The following PCDHGA2 variants were observed in gnomAD, a reference collection of about 807,000 sequenced individuals.
The protein encoded by PCDHGA2 is protocadherin gamma-A2.
Under a neutral mutation model 59.2 loss-of-function variants are expected in PCDHGA2, and 40 were observed. The observed-to-expected ratio is 0.68, with a 90% CI of 0.52 to 0.88. The LOEUF (loss-of-function observed/expected upper bound fraction) is 0.88, where lower values mean the gene tolerates loss of function less well. Ranked by LOEUF, PCDHGA2 falls within the 40% of genes least tolerant of loss-of-function variation. PCDHGA2 has a pLI of 0.00. For missense variants in PCDHGA2, 1,226 were observed against 1,204.0 expected (o/e 1.02, Z -0.27); for synonymous variants, 560 against 526.0 (o/e 1.06, Z -0.89).
chr5:141,495,122 C>T (rs1365586518), intron 2 of PCDHGA2, among the ~76,000 whole-genome samples: 2 of 152,282 alleles, frequency 1.3e-5, no homozygotes, highest in East Asian at 3.9e-4. Flanking sequence ...TTCCTATCCC[C>T]TGAGGGCACT....
intron 1 of PCDHGA2, among the ~76,000 whole-genome samples, chr5:141,463,706 A>T (rs568865377): frequency 2.9e-3 from 440 of 152,024 alleles, no homozygotes; most frequent in Non-Finnish European, 4.6e-3. Context: ...TCGGCCTCCA[A>T]AAGTGCTGGG....
intron 1 of PCDHGA2, chr5:141,383,406 T>C (rs780989648): frequency 6.2e-7 from 1 of 1,613,748 alleles, no homozygotes; most frequent in Admixed American, 1.7e-5. Context: ...CCCTCCAGAG[T>C]TACCAGCTCA....
chr5:141,404,725 G>A (rs1381392805), intron 1 of PCDHGA2: 1 of 1,613,980 alleles, frequency 6.2e-7, no homozygotes, highest in Non-Finnish European at 8.5e-7. Context: ...TGACCAAGGT[G>A]GTGGCAGTGG....
intron 1 of PCDHGA2, among the ~76,000 whole-genome samples, chr5:141,407,257 T>C (rs1325198387): frequency 1.3e-5 from 2 of 152,240 alleles, no homozygotes; most frequent in Non-Finnish European, 2.9e-5. Context: ...CTCATATTTT[T>C]AACCATGCAA....
chr5:141,374,029 A>C (rs1460112886), intron 1 of PCDHGA2: 3 of 1,428,780 alleles, frequency 2.1e-6, no homozygotes. Flanking sequence ...AGCAAAAGTG[A>C]TGCAGATCTG....
intron 1 of PCDHGA2, among the ~76,000 whole-genome samples, chr5:141,407,130 T>C (rs1218017139): frequency 1.3e-5 from 2 of 152,230 alleles, no homozygotes; most frequent in Non-Finnish European, 2.9e-5. Flanking sequence ...TTGCTTTATT[T>C]TTAAGAAAAA....
At chr5:141,419,878 G>A in intron 1 of PCDHGA2, 2 of 1,614,060 alleles carry the variant, frequency 1.2e-6, no homozygotes, top group Non-Finnish European at 1.7e-6. Context: ...AGGTACTGCC[G>A]GATTTCAGCG....
At chr5:141,366,466 G>A in intron 1 of PCDHGA2, 1 of 1,614,228 alleles carries the variant, frequency 6.2e-7, no homozygotes, top group Non-Finnish European at 8.5e-7. Context: ...TCGTGCTGCT[G>A]GTGCTCAGAC....
chr5:141,362,840 T>C (rs1762699697), intron 1 of PCDHGA2, among the ~76,000 whole-genome samples: 1 of 152,282 alleles, frequency 6.6e-6, no homozygotes, highest in East Asian at 1.9e-4. Flanking sequence ...ATTGAGACTT[T>C]AGGCAATTAG....
At chr5:141,398,544 G>A (rs1002395942) in intron 1 of PCDHGA2, 1 of 1,613,852 alleles carries the variant, frequency 6.2e-7, no homozygotes, top group Non-Finnish European at 8.5e-7. Flanking sequence ...ATTCCTTTGA[G>A]CTGCAAATAA....
At chr5:141,419,318 G>A in intron 1 of PCDHGA2, 1 of 1,613,992 alleles carries the variant, frequency 6.2e-7, no homozygotes, top group Non-Finnish European at 8.5e-7. Flanking sequence ...CAACGGCCGT[G>A]TCTCCTACTC....
intron 1 of PCDHGA2, chr5:141,345,480 A>C (rs1261001131): frequency 3.7e-6 from 6 of 1,613,926 alleles, no homozygotes; most frequent in East Asian, 2.2e-5. Flanking sequence ...AGATAGCAAC[A>C]ACAACGCCCG....
chr5:141,489,636 C>A lies in PCDHGA2; in HGVS notation c.2425-5171C>A, dbSNP rs753380268. 3.8e-5 allele frequency: 62 copies of A among 1,614,074 alleles called. No individual in the cohort carries two copies. The highest frequency in any genetic ancestry group is 5.1e-5 in the Non-Finnish European group (60 of 1,180,038). ...TGGATCTCAATGACAACTCTCCTAG[C>A]TTTGCCACCCCTGAGCGAGAGATGC... is the stretch of plus-strand genomic sequence containing the variant. On this transcript the variant is annotated intron_variant, in intron 1 of 3. Coordinates refer to ENST00000394576, the MANE Select transcript of PCDHGA2 (RefSeq NM_018915.4). The surrounding 1 kb of genome is among the most constrained non-coding windows in gnomAD (Gnocchi z 4.5).
chr5:141,456,427 T>A (rs1156577293), intron 1 of PCDHGA2, among the ~76,000 whole-genome samples: 1 of 152,166 alleles, frequency 6.6e-6, no homozygotes, highest in East Asian at 1.9e-4. Context: ...ATTCAAGTTA[T>A]AGTATTGAGT....
intron 1 of PCDHGA2, chr5:141,346,166 G>T (rs746867138): frequency 6.2e-7 from 1 of 1,614,042 alleles, no homozygotes; most frequent in East Asian, 2.2e-5. Context: ...TCATCGTGCT[G>T]CTGGCGCTCA....
At chr5:141,355,221 C>G (rs756437082) in intron 1 of PCDHGA2, 1 of 1,608,638 alleles carries the variant, frequency 6.2e-7, no homozygotes, top group Non-Finnish European at 8.5e-7. Context: ...CTCCTGCTCG[C>G]CCAGACCACA....
Position 141,341,372 on chromosome 5 carries a change from G to T in PCDHGA2, c.2401G>T (p.Glu801Ter), listed in dbSNP as rs769174770. The change falls in exon 1 of 4, where the codon GAA becomes TAA. Residue 801 changes from glutamate (E) to a stop codon, truncating the protein, a stop_gained. Coordinates refer to ENST00000394576, the MANE Select transcript of PCDHGA2 (RefSeq NM_018915.4). LOFTEE classifies it high-confidence loss of function. ...AGCGCCTCAATCTCTACTCGAAGAA[G>T]AAAGAGAAGAAACGTTTTCTCAGGT... ...LSAPQSLLEE[E>*]REETFSQQAP... 28 of 1,614,134 alleles carry T rather than the reference G, an allele frequency of 1.7e-5. No homozygotes were observed. In the East Asian group the frequency reaches 6.0e-4, roughly 35 times the overall value.
chr5:141,345,244 T>G (rs374182078), intron 1 of PCDHGA2: 25 of 1,613,966 alleles, frequency 1.5e-5, no homozygotes, highest in Non-Finnish European at 2.0e-5. Flanking sequence ...TATTACCGCT[T>G]AGTGACGGCC....
At chr5:141,351,183 C>T (rs764013850) in intron 1 of PCDHGA2, 14 of 1,613,810 alleles carry the variant, frequency 8.7e-6, no homozygotes, top group East Asian at 2.2e-5. Context: ...TTTGAAGAGA[C>T]AAGTAGATAT....
Sources: gnomAD v4.1 joint callset for allele counts (sites outside exome capture counted in the v4.1 genomes callset) on GRCh38, gnomAD v4.1.1 for gene constraint, Gnocchi (gnomAD v3.1) non-coding constraint, MANE v1.5 for transcripts, NCBI Gene and HGNC (gene_info 2026-07-23, HGNC 2026-07-21) for gene names.